The following TDRD7 variants were observed in gnomAD, a reference collection of about 807,000 sequenced individuals.
The protein encoded by TDRD7 is tudor domain-containing protein 7.
Under a neutral mutation model 109.8 loss-of-function variants are expected in TDRD7, and 47 were observed. That is an observed-to-expected ratio of 0.43 (90% CI 0.34 to 0.55). The LOEUF (loss-of-function observed/expected upper bound fraction) is 0.55. Ranked by LOEUF, TDRD7 falls within the 20% of genes least tolerant of loss-of-function variation. The pLI is 0.03. For synonymous variants in TDRD7, 424 were observed against 457.3 expected, an observed-to-expected ratio of 0.93 and a Z score of 0.93; for missense variants, 1,164 against 1,319.2, an observed-to-expected ratio of 0.88 and a Z score of 1.82.
intron 7 of TDRD7, among the ~76,000 whole-genome samples, chr9:97,462,558 A>T (rs751487472): frequency 1.3e-5 from 2 of 152,300 alleles, no homozygotes; most frequent in East Asian, 1.9e-4. Flanking sequence ...TCTCTGGCTC[A>T]TTAGGGCCTG....
intron 4 of TDRD7, among the ~76,000 whole-genome samples, chr9:97,435,337 A>C (rs768041271): frequency 6.6e-6 from 1 of 152,024 alleles, no homozygotes; most frequent in African/African-American, 2.4e-5. Flanking sequence ...AAAGTTTTCA[A>C]ATTGACAGCA....
In TDRD7 at chr9:97,480,946, A is replaced by C. The variant is rs770611105; in HGVS notation, c.2412+8A>C. On this transcript the variant is annotated splice_region_variant and intron_variant, in intron 14 of 16. Coordinates refer to ENST00000355295, the MANE Select transcript of TDRD7 (RefSeq NM_014290.3). ...TCGGACTGTAGCATTAAGGTTAGCT[A>C]TCTTGTTGGGCCTGATACATTTAGA... 4.3e-6 allele frequency: 7 copies of C among 1,610,610 alleles called. No homozygotes were observed. The highest frequency in any genetic ancestry group is 3.3e-5 in the Admixed American group (2 of 59,978).
Position 97,467,660 on chromosome 9 carries a change from A to C in TDRD7, c.1629+2632A>C, listed in dbSNP as rs1307412944. 2.0e-5 allele frequency among the ~76,000 whole-genome samples: 3 copies of C among 152,260 alleles called. No individual in the cohort carries two copies. The East Asian group carries it at 5.8e-4, about 29-fold the overall frequency. On this transcript the variant is annotated intron_variant, in intron 8 of 16. Transcript: ENST00000355295. Reference sequence around the variant, plus strand: ...AATGAAGGAAATAACCAATAAAGGAAATAACTATGATAGAAAATAACTCTG... The same window carrying C: ...AATGAAGGAAATAACCAATAAAGGACATAACTATGATAGAAAATAACTCTG...
chr9:97,451,714 G>A (rs1828495804), intron 6 of TDRD7, among the ~76,000 whole-genome samples: 1 of 152,246 alleles, frequency 6.6e-6, no homozygotes, highest in Admixed American at 6.5e-5. Flanking sequence ...AAGTTCCAGA[G>A]CCGCAGGCTT....
At chr9:97,478,307 T>C (rs1291799111) in intron 12 of TDRD7, 132 bp from the exon 13 acceptor site, 1 of 804,862 alleles carries the variant, frequency 1.2e-6, no homozygotes, top group Admixed American at 2.4e-5. Flanking sequence ...CATTTTAAAT[T>C]AGGGGAAAAT....
chr9:97,429,904 G>A (rs1353928739), intron 2 of TDRD7, among the ~76,000 whole-genome samples: 3 of 152,066 alleles, frequency 2.0e-5, no homozygotes, highest in Non-Finnish European at 2.9e-5. Context: ...TCAACTCTTT[G>A]TTCCCCTGTT....
At chr9:97,440,447 A>G (rs564147598) in intron 5 of TDRD7, among the ~76,000 whole-genome samples, 1 of 152,368 alleles carries the variant, frequency 6.6e-6, no homozygotes, top group South Asian at 2.1e-4. Flanking sequence ...CTGGCCAGTT[A>G]TGAGAAACTT....
rs911114266 is a variant in TDRD7 at position 97,475,482 on chromosome 9, C to T, written c.2166+13C>T. The stretch of plus-strand genomic sequence containing the variant: ...GTTACGAGTAGAGGTAAAAATCAGT[C>T]ACTTGGCTTTTTAATCTTAACTTAT... On this transcript the variant is annotated intron_variant, in intron 12 of 16. Coordinates refer to ENST00000355295, the MANE Select transcript of TDRD7 (RefSeq NM_014290.3). 5.7e-6 allele frequency: 9 copies of T among 1,584,514 alleles called. No individual in the cohort carries two copies. The highest frequency in any genetic ancestry group is 5.0e-5 in the Admixed American group (3 of 59,708).
intron 6 of TDRD7, among the ~76,000 whole-genome samples, chr9:97,456,424 A>G (rs1328088115): frequency 6.6e-6 from 1 of 152,230 alleles, no homozygotes; most frequent in Non-Finnish European, 1.5e-5. Flanking sequence ...CTTCAGACTG[A>G]CTATACTACA....
rs140561972 is a variant in TDRD7, at chr9:97,465,076, T to C, written c.1629+48T>C. On this transcript the variant is annotated intron_variant, in intron 8 of 16. Coordinates refer to ENST00000355295, the MANE Select transcript of TDRD7 (RefSeq NM_014290.3). ...TAGCATTATGGATACAAATACCTTATTATTTTCCAAATGTAAATATTTTTT... is the reference window on the plus strand; with the variant it reads ...TAGCATTATGGATACAAATACCTTACTATTTTCCAAATGTAAATATTTTTT... The C allele has an allele frequency of 5.2e-5, 82 of 1,566,058 alleles. No homozygotes were observed. In the African/African-American group the frequency reaches 9.9e-4, roughly 19 times the overall value.
At chr9:97,440,712 C>A (rs1404057286) in intron 5 of TDRD7, among the ~76,000 whole-genome samples, 1 of 152,070 alleles carries the variant, frequency 6.6e-6, no homozygotes, top group East Asian at 1.9e-4. Flanking sequence ...ACTGTCTCTA[C>A]CTGCAAATTA....
At chr9:97,454,857 C>G (rs1828576028) in intron 6 of TDRD7, among the ~76,000 whole-genome samples, 1 of 151,980 alleles carries the variant, frequency 6.6e-6, no homozygotes, top group African/African-American at 2.4e-5. Flanking sequence ...GAGATGGAGA[C>G]AGGAAAAACC....
intron 6 of TDRD7, among the ~76,000 whole-genome samples, chr9:97,444,563 A>G (rs1399337410): frequency 6.6e-6 from 1 of 152,246 alleles, no homozygotes; most frequent in Non-Finnish European, 1.5e-5. Flanking sequence ...TGTTACTACA[A>G]GCAAAATTAG....
At chr9:97,427,481 A>C (rs776734700) in intron 1 of TDRD7, among the ~76,000 whole-genome samples, 5 of 152,200 alleles carry the variant, frequency 3.3e-5, no homozygotes, top group Non-Finnish European at 5.9e-5. Flanking sequence ...CAAGTACCCC[A>C]TATAAGTCAA....
intron 8 of TDRD7, among the ~76,000 whole-genome samples, chr9:97,467,018 G>A (rs1828831560): frequency 6.6e-6 from 1 of 152,264 alleles, no homozygotes; most frequent in Admixed American, 6.5e-5. Context: ...GAGAACACAG[G>A]GCTTGGGCAC....
At chr9:97,432,294 A>G in intron 4 of TDRD7, 56 bp downstream of exon 4, 1 of 1,456,666 alleles carries the variant, frequency 6.9e-7, no homozygotes, top group Non-Finnish European at 9.6e-7. Context: ...AAGTGTTACA[A>G]ATGTATGTTC....
intron 2 of TDRD7, among the ~76,000 whole-genome samples, chr9:97,429,310 C>G (rs901280867): frequency 2.0e-5 from 3 of 152,182 alleles, no homozygotes; most frequent in African/African-American, 7.2e-5. Flanking sequence ...TCCACTGCGA[C>G]CTAGCAGCTT....
chr9:97,428,658 A>C lies in TDRD7; in HGVS notation c.193A>C (p.Ser65Arg), dbSNP rs1244375496. Residue 65 changes from serine (S) to arginine (R), a missense_variant, in exon 2 of 17, where the codon AGT becomes CGT. This residue lies in a region of TDRD7 where 101 missense variants were observed against 148.5 expected (regional missense o/e 0.68). Transcript: ENST00000355295. ...GCCAGCAGTGGTCAGGATAGAGACT[A>C]GTAGATCTGGAGAGGTAAGAAGGTA... ...SVPAVVRIET[S>R]RSGEITCYAM... 1.2e-6 allele frequency: 2 copies of C among 1,613,728 alleles called. No homozygotes were observed. Among genetic ancestry groups the C allele is most frequent in the Non-Finnish European group, 1.7e-6 (2 of 1,179,872 alleles).
At chr9:97,476,209 C>T (rs1829015582) in intron 12 of TDRD7, among the ~76,000 whole-genome samples, 1 of 152,144 alleles carries the variant, frequency 6.6e-6, no homozygotes, top group African/African-American at 2.4e-5. Flanking sequence ...GTGTCAGATC[C>T]TCCCTGCCTC....
Sources: allele counts gnomAD v4.1 joint callset (sites outside exome capture counted in the v4.1 genomes callset), GRCh38; gene constraint gnomAD v4.1.1; regional missense constraint gnomAD v4.1.1; transcripts MANE v1.5; gene names NCBI Gene and HGNC (gene_info 2026-07-23, HGNC 2026-07-21).